The following MAGI2 variants were observed in gnomAD, a reference collection of about 807,000 sequenced individuals.
The protein encoded by MAGI2 is membrane-associated guanylate kinase, WW and PDZ domain-containing protein 2.
Under a neutral mutation model 133.3 loss-of-function variants are expected in MAGI2, and 35 were observed. That is an observed-to-expected ratio of 0.26 (90% CI 0.20 to 0.35). MAGI2 has a LOEUF of 0.35. MAGI2 is among the 10% of genes least tolerant of loss of function. MAGI2 has a pLI of 1.00. For synonymous variants in MAGI2, 729 were observed against 710.6 expected (o/e 1.03, Z -0.41); for missense variants, 1,636 against 1,863.4 (o/e 0.88, Z 2.25).
chr7:78,766,992 C>T (rs1825092900), intron 2 of MAGI2, among the ~76,000 whole-genome samples: 1 of 143,602 alleles, frequency 7.0e-6, no homozygotes, highest in South Asian at 2.2e-4. Context: ...TAATAAAGTT[C>T]TTTTTTTTTT....
chr7:78,355,606 T>G (rs1370067227), intron 7 of MAGI2, among the ~76,000 whole-genome samples: 1 of 152,216 alleles, frequency 6.6e-6, no homozygotes, highest in South Asian at 2.1e-4. Flanking sequence ...AAACAAAGCC[T>G]AGCTCCGTGT....
intron 2 of MAGI2, among the ~76,000 whole-genome samples, chr7:78,700,535 A>G (rs1426315233): frequency 4.6e-5 from 7 of 152,096 alleles, no homozygotes; most frequent in Non-Finnish European, 1.0e-4. Context: ...GGTTTTAGTA[A>G]AAGTCCATCT....
chr7:78,453,868 T>C (rs1339794982), intron 6 of MAGI2, among the ~76,000 whole-genome samples: 2 of 152,182 alleles, frequency 1.3e-5, no homozygotes, highest in African/African-American at 4.8e-5. Flanking sequence ...ATTTCCTTTG[T>C]TCTGTTCCTC....
chr7:78,575,781 T>A (rs1212459710), intron 3 of MAGI2, among the ~76,000 whole-genome samples: 1 of 152,040 alleles, frequency 6.6e-6, no homozygotes, highest in African/African-American at 2.4e-5. Context: ...AAATTGTGAG[T>A]CACCAAAAAT....
intron 1 of MAGI2, among the ~76,000 whole-genome samples, chr7:79,260,765 A>C (rs895392366): frequency 1.3e-5 from 2 of 152,226 alleles, no homozygotes; most frequent in Non-Finnish European, 2.9e-5. Flanking sequence ...TATGAAACGT[A>C]AGTGAATCTC....
At chr7:78,517,173 T>A (rs1796111675) in intron 4 of MAGI2, among the ~76,000 whole-genome samples, 1 of 134,820 alleles carries the variant, frequency 7.4e-6, no homozygotes, top group Admixed American at 7.4e-5. Context: ...ATAGGTGATG[T>A]TAATGTTAAG....
intron 1 of MAGI2, among the ~76,000 whole-genome samples, chr7:79,397,693 C>A (rs1382177823): frequency 6.6e-6 from 1 of 152,020 alleles, no homozygotes; most frequent in Non-Finnish European, 1.5e-5. Flanking sequence ...CAATTCTTTG[C>A]TTATTAACCT....
intron 2 of MAGI2, among the ~76,000 whole-genome samples, chr7:78,764,979 A>C (rs1175923425): frequency 2.6e-5 from 4 of 152,224 alleles, no homozygotes; most frequent in African/African-American, 7.2e-5. Flanking sequence ...CAAAGAACTA[A>C]AGGATGATCA....
intron 9 of MAGI2, among the ~76,000 whole-genome samples, chr7:78,286,108 T>C (rs1325349556): frequency 6.6e-6 from 1 of 151,850 alleles, no homozygotes; most frequent in East Asian, 1.9e-4. Context: ...TGTGTGTGTG[T>C]GCACACTAAA....
chr7:78,482,020 A>G (rs1792442392), intron 6 of MAGI2, among the ~76,000 whole-genome samples: 2 of 152,110 alleles, frequency 1.3e-5, no homozygotes, highest in Middle Eastern at 3.4e-3. Context: ...CTGTAAGGAT[A>G]TGTAAAGGAA....
intron 21 of MAGI2, among the ~76,000 whole-genome samples, chr7:78,061,399 G>A (rs904308340): frequency 1.4e-5 from 2 of 139,514 alleles, no homozygotes; most frequent in Non-Finnish European, 3.0e-5. Flanking sequence ...TCACATCTGG[G>A]GACTGGTTGT....
chr7:79,239,668 A>G (rs764481861), intron 1 of MAGI2, among the ~76,000 whole-genome samples: 6 of 152,226 alleles, frequency 3.9e-5, no homozygotes, highest in Non-Finnish European at 4.4e-5. Flanking sequence ...CCTACTGGAC[A>G]TAAACAATCT....
chr7:78,640,829 G>A (rs750101291), intron 2 of MAGI2, among the ~76,000 whole-genome samples: 6 of 152,228 alleles, frequency 3.9e-5, no homozygotes, highest in African/African-American at 7.2e-5. Flanking sequence ...ACTAGGCTAT[G>A]GGGCATTAGT....
chr7:78,458,997 T>C (rs1789670746), intron 6 of MAGI2, among the ~76,000 whole-genome samples: 1 of 152,228 alleles, frequency 6.6e-6, no homozygotes, highest in African/African-American at 2.4e-5. Context: ...ACCAAAGTTA[T>C]GATTGTCTTT....
chr7:78,381,121 C>T (rs566501574), intron 6 of MAGI2, among the ~76,000 whole-genome samples: 2 of 152,162 alleles, frequency 1.3e-5, no homozygotes, highest in South Asian at 2.1e-4. Flanking sequence ...CTGAGGCTGG[C>T]GGACCACTTG....
intron 21 of MAGI2, 137 bp downstream of exon 21, chr7:78,078,810 G>A (rs111604884): frequency 7.8e-6 from 6 of 766,878 alleles, no homozygotes; most frequent in Non-Finnish European, 8.8e-6. Flanking sequence ...GTGTGTGTGT[G>A]TGTATATATA....
chr7:78,573,316 ATATAAATATATAT>A, intron 3 of MAGI2, among the ~76,000 whole-genome samples: 1 of 72,240 alleles, frequency 1.4e-5, no homozygotes, highest in African/African-American at 6.9e-5. Context: ...ATATATAAAT[ATATAAATATATAT>A]ATAAATATAT....
chr7:78,745,102 C>T (rs1822799189), intron 2 of MAGI2, among the ~76,000 whole-genome samples: 1 of 152,168 alleles, frequency 6.6e-6, no homozygotes, highest in African/African-American at 2.4e-5. Flanking sequence ...AACATTTGAG[C>T]CAAGATTACA....
intron 9 of MAGI2, among the ~76,000 whole-genome samples, chr7:78,270,216 T>C (rs1412779677): frequency 6.6e-6 from 1 of 152,298 alleles, no homozygotes; most frequent in East Asian, 1.9e-4. Context: ...TCCAGTTTTG[T>C]TCTTTTTGCT....
Sources: allele counts gnomAD v4.1 joint callset (sites outside exome capture counted in the v4.1 genomes callset), GRCh38; gene constraint gnomAD v4.1.1; transcripts MANE v1.5; gene names NCBI Gene and HGNC (gene_info 2026-07-23, HGNC 2026-07-21).